LDLRAD3: variants seen among roughly 807,000 people sequenced by gnomAD.
LDLRAD3 encodes low density lipoprotein receptor class A domain containing 3.
A neutral mutation model predicts 29.4 loss-of-function variants in LDLRAD3; 20 were observed. The observed-to-expected ratio is 0.68, with a 90% CI of 0.48 to 0.99. The LOEUF (loss-of-function observed/expected upper bound fraction) is 0.99, where lower values mean the gene tolerates loss of function less well. LDLRAD3 is among the 50% of genes least tolerant of loss of function. The probability of loss-of-function intolerance (pLI) is 0.00; values close to 1 mark genes in which losing one functional copy is unlikely to be tolerated. For missense variants in LDLRAD3, 420 were observed against 454.3 expected (o/e 0.92, Z 0.69); for synonymous variants, 157 against 192.7 (o/e 0.81, Z 1.53).
intron 4 of LDLRAD3, among the ~76,000 whole-genome samples, chr11:36,204,741 G>A (rs1249857082): frequency 2.0e-5 from 3 of 152,146 alleles, no homozygotes; most frequent in Admixed American, 1.3e-4. Flanking sequence ...CACCTGCCTC[G>A]GCTTCCCAGA....
intron 4 of LDLRAD3, among the ~76,000 whole-genome samples, chr11:36,100,064 G>C (rs1039736529): frequency 5.3e-5 from 8 of 152,050 alleles, no homozygotes; most frequent in African/African-American, 1.9e-4. Context: ...AACTGGTGTC[G>C]GTGGGCCCAG....
At chr11:36,037,654 G>A (rs1364469719) in intron 2 of LDLRAD3, among the ~76,000 whole-genome samples, 1 of 152,130 alleles carries the variant, frequency 6.6e-6, no homozygotes, top group Admixed American at 6.5e-5. Flanking sequence ...AGAATTTGGG[G>A]CCGAGTCTGT....
chr11:36,162,677 G>A (rs1854460005), intron 4 of LDLRAD3, among the ~76,000 whole-genome samples: 1 of 152,200 alleles, frequency 6.6e-6, no homozygotes, highest in African/African-American at 2.4e-5. Flanking sequence ...CTAAGCCGTG[G>A]TCCCTAAGTC....
chr11:35,960,446 A>G (rs12280837), intron 1 of LDLRAD3, among the ~76,000 whole-genome samples: 2,065 of 152,288 alleles, frequency 0.014, 50 homozygotes, highest in African/African-American at 0.047. Flanking sequence ...GATATTGCCA[A>G]CTTCTCTATA....
chr11:36,133,841 TTCTACA>T (rs1853966030), intron 4 of LDLRAD3, among the ~76,000 whole-genome samples: 1 of 152,056 alleles, frequency 6.6e-6, no homozygotes, highest in Non-Finnish European at 1.5e-5. Context: ...CCGGCCCATT[TTCTACA>T]TCGAAGGATA....
intron 1 of LDLRAD3, among the ~76,000 whole-genome samples, chr11:35,963,433 G>GT (rs375997319): frequency 0.37 from 52,656 of 144,252 alleles, 9,518 homozygotes; most frequent in East Asian, 0.63. Flanking sequence ...GTGTGTGTGT[G>GT]TTTTTTTTTT....
At chr11:36,142,679 G>A (rs768107350) in intron 4 of LDLRAD3, among the ~76,000 whole-genome samples, 7 of 152,252 alleles carry the variant, frequency 4.6e-5, no homozygotes, top group Non-Finnish European at 1.0e-4. Flanking sequence ...GGTGAAGTGA[G>A]ACTCACACTC....
chr11:35,952,390 G>T (rs1851147209), intron 1 of LDLRAD3, among the ~76,000 whole-genome samples: 1 of 152,162 alleles, frequency 6.6e-6, no homozygotes, highest in Non-Finnish European at 1.5e-5. Context: ...TGGATAGAAT[G>T]ATTTGTTAGA....
chr11:36,116,788 A>T (rs1853680866), intron 4 of LDLRAD3, among the ~76,000 whole-genome samples: 1 of 152,014 alleles, frequency 6.6e-6, no homozygotes. Context: ...TTGATTATTT[A>T]TCAGGACAAA....
chr11:36,183,470 A>G (rs1459787063), intron 4 of LDLRAD3, among the ~76,000 whole-genome samples: 1 of 152,230 alleles, frequency 6.6e-6, no homozygotes, highest in South Asian at 2.1e-4. Flanking sequence ...CTGTCCAGCT[A>G]TGCTGGATGA....
chr11:36,133,547 C>CTTTTT (rs67935336), intron 4 of LDLRAD3, among the ~76,000 whole-genome samples: 14 of 119,896 alleles, frequency 1.2e-4, no homozygotes, highest in South Asian at 2.7e-4. Flanking sequence ...TTTTTCTTTT[C>CTTTTT]TTTTTTTTTT....
chr11:36,199,829 C>T (rs10836518), intron 4 of LDLRAD3, among the ~76,000 whole-genome samples: 64,555 of 152,086 alleles, frequency 0.42, 15,042 homozygotes, highest in Middle Eastern at 0.55. Flanking sequence ...TCTAATAAAA[C>T]TGTGGAATGA....
intron 3 of LDLRAD3, among the ~76,000 whole-genome samples, chr11:36,090,745 G>T (rs1853268022): frequency 6.6e-6 from 1 of 152,158 alleles, no homozygotes; most frequent in South Asian, 2.1e-4. Context: ...TTGCCTGCTT[G>T]CCCAGAGTGG....
intron 4 of LDLRAD3, among the ~76,000 whole-genome samples, chr11:36,150,616 G>A (rs187933199): frequency 0.016 from 2,487 of 152,024 alleles, 41 homozygotes; most frequent in African/African-American, 0.043. Context: ...TTAGCCGGGC[G>A]TGGTGGCGGG....
At chr11:36,138,440 T>G (rs2133312451) in intron 4 of LDLRAD3, among the ~76,000 whole-genome samples, 1 of 152,334 alleles carries the variant, frequency 6.6e-6, no homozygotes, top group African/African-American at 2.4e-5. Flanking sequence ...AGTAAGGTCT[T>G]GACAAACATA....
chr11:36,048,036 A>G (rs74324450), intron 2 of LDLRAD3, among the ~76,000 whole-genome samples: 4,756 of 151,550 alleles, frequency 0.031, 237 homozygotes, highest in Admixed American at 0.13. Context: ...AATACGATAC[A>G]CTTTTCCATC....
intron 1 of LDLRAD3, among the ~76,000 whole-genome samples, chr11:36,015,306 T>TCCCCCCC (rs11347924): frequency 1.0e-4 from 9 of 87,712 alleles, no homozygotes; most frequent in East Asian, 6.6e-4. Context: ...GACATGCCAT[T>TCCCCCCC]CCCCCCCCCC....
Position 36,231,699 on chromosome 11 carries a change from T to C in LDLRAD3, c.*2302T>C, listed in dbSNP as rs1439166143. 1 of 152,196 alleles carries C rather than the reference T, an allele frequency of 6.6e-6. No homozygotes were observed. The highest frequency in any genetic ancestry group is 2.4e-5 in the African/African-American group (1 of 41,442). 9.4% of individuals were successfully genotyped at this position (152,196 alleles called of 1,614,324 possible). A position where few individuals can be genotyped will look rare whatever the true frequency, so the allele number is the denominator to read the frequency against. ...TTATAGATTTGATTTTTTTAATGAA[T>C]GTTTTTAAAAATATATAAATAGGAC... On this transcript the variant is annotated 3_prime_UTR_variant, in exon 6 of 6. Transcript: ENST00000315571.
At chr11:36,182,360 C>T (rs1854777492) in intron 4 of LDLRAD3, among the ~76,000 whole-genome samples, 1 of 151,878 alleles carries the variant, frequency 6.6e-6, no homozygotes, top group Non-Finnish European at 1.5e-5. Context: ...GCAAGAAGAC[C>T]ACTCTCCCCT....
Sources: gnomAD v4.1 joint callset for allele counts (sites outside exome capture counted in the v4.1 genomes callset) on GRCh38, gnomAD v4.1.1 for gene constraint, MANE v1.5 for transcripts, NCBI Gene and HGNC (gene_info 2026-07-23, HGNC 2026-07-21) for gene names.